Variants in GRIA4 observed in about 807,000 individuals in gnomAD.
GRIA4 encodes the protein glutamate ionotropic receptor AMPA type subunit 4, also known as glutamate receptor 4.
Under a neutral mutation model 104.0 loss-of-function variants are expected in GRIA4, and 34 were observed. The ratio of observed to expected loss-of-function variants is 0.33; its 90% CI spans 0.25 to 0.44. The LOEUF (loss-of-function observed/expected upper bound fraction) is 0.44, where lower values mean the gene tolerates loss of function less well. Ranked by LOEUF, GRIA4 falls within the 20% of genes least tolerant of loss-of-function variation. The pLI, the probability that GRIA4 is intolerant of heterozygous loss-of-function variation, is 1.00. For missense variants in GRIA4, 750 were observed against 1,096.5 expected (o/e 0.68, Z 4.46); for synonymous variants, 386 against 381.9 (o/e 1.01, Z -0.13).
At chr11:105,614,050 G>A (rs1051386923) in intron 3 of GRIA4, 19 of 151,826 alleles carry the variant, frequency 1.3e-4, no homozygotes, top group South Asian at 4.2e-4. Flanking sequence ...TTTTTAATAC[G>A]TAAATATTAT....
chr11:105,817,493 T>A (rs1005605162), intron 4 of GRIA4, among the ~76,000 whole-genome samples: 3 of 151,762 alleles, frequency 2.0e-5, no homozygotes, highest in Admixed American at 2.0e-4. Flanking sequence ...TTTTTAAATT[T>A]TTTTTTCTAT....
intron 14 of GRIA4, among the ~76,000 whole-genome samples, chr11:105,947,779 G>A (rs1948353298): frequency 6.6e-6 from 1 of 152,122 alleles, no homozygotes; most frequent in Non-Finnish European, 1.5e-5. Flanking sequence ...AGCAAATGTA[G>A]GTGAGACTAT....
chr11:105,859,109 A>G (rs528519662), intron 4 of GRIA4, among the ~76,000 whole-genome samples: 1 of 152,346 alleles, frequency 6.6e-6, no homozygotes, highest in South Asian at 2.1e-4. Context: ...ACTAAGTTAC[A>G]TAATCATAGA....
At chr11:105,707,708 G>A (rs1387920856) in intron 3 of GRIA4, 1 of 152,154 alleles carries the variant, frequency 6.6e-6, no homozygotes, top group Non-Finnish European at 1.5e-5. Context: ...TAAAAATGCA[G>A]AATTCCTCAG....
chr11:105,878,950 C>T (rs1289038899), intron 5 of GRIA4, among the ~76,000 whole-genome samples: 1 of 152,182 alleles, frequency 6.6e-6, no homozygotes, highest in Non-Finnish European at 1.5e-5. Context: ...GAAAAAAACT[C>T]CTGCAACTAG....
At chr11:105,903,061 G>A (rs900697165) in intron 7 of GRIA4, among the ~76,000 whole-genome samples, 3 of 151,996 alleles carry the variant, frequency 2.0e-5, no homozygotes, top group African/African-American at 7.3e-5. Context: ...CAGAGGTGGG[G>A]GGAGCTCACT....
chr11:105,732,593 A>G (rs1478294563), intron 3 of GRIA4, among the ~76,000 whole-genome samples: 2 of 152,164 alleles, frequency 1.3e-5, no homozygotes, highest in Non-Finnish European at 2.9e-5. Context: ...TCTTGCTGCT[A>G]CCACTTTGTG....
At chr11:105,838,752 C>T (rs545354727) in intron 4 of GRIA4, among the ~76,000 whole-genome samples, 2 of 152,154 alleles carry the variant, frequency 1.3e-5, no homozygotes, top group South Asian at 2.1e-4. Flanking sequence ...GAGCTGACAC[C>T]CATTTGACTC....
intron 6 of GRIA4, among the ~76,000 whole-genome samples, chr11:105,892,682 CT>C (rs1223732112): frequency 7.9e-5 from 12 of 152,146 alleles, no homozygotes; most frequent in Non-Finnish European, 2.9e-5. Flanking sequence ...CATTGTTTTA[CT>C]TTTGTGCTTC....
At chr11:105,859,582 C>A (rs1945143016) in intron 4 of GRIA4, among the ~76,000 whole-genome samples, 1 of 152,082 alleles carries the variant, frequency 6.6e-6, no homozygotes, top group African/African-American at 2.4e-5. Flanking sequence ...AGGAGAATAA[C>A]AACATGGATG....
chr11:105,662,820 C>A (rs1250418916), intron 3 of GRIA4, among the ~76,000 whole-genome samples: 1 of 151,750 alleles, frequency 6.6e-6, no homozygotes, highest in African/African-American at 2.4e-5. Context: ...AGTAAGTTCC[C>A]AGGCTGAGAC....
intron 13 of GRIA4, among the ~76,000 whole-genome samples, chr11:105,927,343 A>C (rs764406817): frequency 6.6e-6 from 1 of 152,128 alleles, no homozygotes; most frequent in Non-Finnish European, 1.5e-5. Context: ...CGTTTGAAAC[A>C]CAAAACCTTA....
chr11:105,821,937 T>C (rs2135904718), intron 4 of GRIA4, among the ~76,000 whole-genome samples: 1 of 152,244 alleles, frequency 6.6e-6, no homozygotes, highest in African/African-American at 2.4e-5. Context: ...GCAGCAGAAC[T>C]ACTGCACATT....
chr11:105,923,395 G>A (rs1182062091), intron 11 of GRIA4, among the ~76,000 whole-genome samples: 1 of 152,044 alleles, frequency 6.6e-6, no homozygotes, highest in African/African-American at 2.4e-5. Context: ...AAATCCCAGA[G>A]CTGCCATGAT....
intron 3 of GRIA4, among the ~76,000 whole-genome samples, chr11:105,694,111 G>A (rs933868375): frequency 6.6e-5 from 10 of 151,608 alleles, no homozygotes; most frequent in South Asian, 2.1e-4. Context: ...TAGAATGACC[G>A]TTATATTTTC....
intron 12 of GRIA4, among the ~76,000 whole-genome samples, chr11:105,926,376 C>A (rs765178762): frequency 1.8e-4 from 28 of 152,078 alleles, no homozygotes; most frequent in Non-Finnish European, 3.1e-4. Flanking sequence ...ATCTCATCAA[C>A]CATAGGCTGC....
intron 3 of GRIA4, among the ~76,000 whole-genome samples, chr11:105,634,044 A>C (rs1951110483): frequency 6.6e-6 from 1 of 152,086 alleles, no homozygotes; most frequent in African/African-American, 2.4e-5. Flanking sequence ...GGGCTGCTGT[A>C]AGCTTTTGAA....
chr11:105,901,878 G>A (rs1565328595), intron 7 of GRIA4, among the ~76,000 whole-genome samples: 1 of 152,212 alleles, frequency 6.6e-6, no homozygotes, highest in East Asian at 1.9e-4. Flanking sequence ...TCAAGTACTA[G>A]CATTGCATTT....
At chr11:105,976,037 A>G (rs1232243353) in intron 16 of GRIA4, among the ~76,000 whole-genome samples, 1 of 152,110 alleles carries the variant, frequency 6.6e-6, no homozygotes, top group Non-Finnish European at 1.5e-5. Flanking sequence ...TGTCTTAGCC[A>G]TTAGAGGAAT....
Sources: allele counts gnomAD v4.1 joint callset (sites outside exome capture counted in the v4.1 genomes callset), GRCh38; gene constraint gnomAD v4.1.1; transcripts MANE v1.5; gene names NCBI Gene and HGNC (gene_info 2026-07-23, HGNC 2026-07-21).